Variants in KAZN observed in about 807,000 individuals in gnomAD.
KAZN encodes kazrin.
In KAZN, 40 loss-of-function variants were observed where a neutral mutation model predicts 87.4. That is an observed-to-expected ratio of 0.46 (90% CI 0.36 to 0.60). The LOEUF is 0.60. KAZN is among the 20% of genes least tolerant of loss of function. The pLI is 0.00. For missense variants in KAZN, 898 were observed against 1,073.9 expected (o/e 0.84, Z 2.29); for synonymous variants, 466 against 458.3 (o/e 1.02, Z -0.22).
chr1:14,610,189 G>A (rs995490279), intron 1 of KAZN, among the ~76,000 whole-genome samples: 3 of 145,506 alleles, frequency 2.1e-5, no homozygotes, highest in Admixed American at 1.3e-4. Context: ...CTCTTCCAAT[G>A]ACCTGTTTGT....
intron 2 of KAZN, among the ~76,000 whole-genome samples, chr1:14,181,941 G>A (rs1646207473): frequency 6.6e-6 from 1 of 152,008 alleles, no homozygotes; most frequent in Non-Finnish European, 1.5e-5. Context: ...CTAAGGTACT[G>A]AAAAAAGTGC....
chr1:14,313,458 A>G (rs1655444064), intron 2 of KAZN, among the ~76,000 whole-genome samples: 1 of 152,120 alleles, frequency 6.6e-6, no homozygotes, highest in African/African-American at 2.4e-5. Context: ...CTGTGTACTT[A>G]TATGTTTAAC....
chr1:14,281,014 C>A (rs1287024531), intron 2 of KAZN, among the ~76,000 whole-genome samples: 1 of 152,230 alleles, frequency 6.6e-6, no homozygotes, highest in Non-Finnish European at 1.5e-5. Context: ...AAGCTCTGAA[C>A]TTGCAGGATC....
chr1:14,333,502 C>T (rs1004071687), intron 2 of KAZN, among the ~76,000 whole-genome samples: 2 of 152,216 alleles, frequency 1.3e-5, no homozygotes, highest in Non-Finnish European at 2.9e-5. Flanking sequence ...CATCATCAAG[C>T]AACTATTGAG....
rs746711420 is a variant in KAZN at position 14,420,896 on chromosome 1, C to CT, written c.250-178087_250-178086insT. On this transcript the variant is annotated intron_variant, in intron 2 of 16. Coordinates refer to the KAZN transcript ENST00000636203. ...CGCCCGCACCTCTCCCTCCACACCTCCCCTCCACACCTCCCCTCCACACCT... is the reference window on the plus strand; with the variant it reads ...CGCCCGCACCTCTCCCTCCACACCTCTCCCTCCACACCTCCCCTCCACACCT... Among the ~76,000 whole-genome samples the CT allele has an allele frequency of 6.4e-4, 22 of 34,148 alleles. 1 individual carries two copies. In the Admixed American group the frequency reaches 9.0e-3, roughly 14 times the overall value. 22.4% of individuals were successfully genotyped at this position (34,148 alleles called of 152,430 possible). A position where few individuals can be genotyped will look rare whatever the true frequency, so the allele number is the denominator to read the frequency against.
At chr1:14,810,007 C>T (rs191740766) in intron 1 of KAZN, among the ~76,000 whole-genome samples, 1 of 152,242 alleles carries the variant, frequency 6.6e-6, no homozygotes, top group East Asian at 1.9e-4. Context: ...CTGTCTTGTG[C>T]ATTGCAGGTG....
At chr1:14,561,847 T>G (rs1185093024) in intron 2 of KAZN, among the ~76,000 whole-genome samples, 1 of 151,286 alleles carries the variant, frequency 6.6e-6, no homozygotes, top group Non-Finnish European at 1.5e-5. Context: ...GAGGTTGCAG[T>G]GAGCCGAGAT....
chr1:14,481,382 A>T (rs1669073790), intron 2 of KAZN, among the ~76,000 whole-genome samples: 1 of 151,982 alleles, frequency 6.6e-6, no homozygotes, highest in Non-Finnish European at 1.5e-5. Flanking sequence ...CTTGTTGTTT[A>T]AGATTATTAT....
At chr1:14,888,018 C>A (rs1255705556) in intron 1 of KAZN, among the ~76,000 whole-genome samples, 1 of 151,998 alleles carries the variant, frequency 6.6e-6, no homozygotes, top group African/African-American at 2.4e-5. Context: ...TTGCTGACAG[C>A]CTCTCTCGGT....
In KAZN at chr1:14,949,065, G is replaced by A. The variant is rs2101691390; in HGVS notation, c.227-11619G>A. ...CCAGCTACTCGGGAAGCTGAGTCAG[G>A]GCACTTGAACCCAGGAGGCGGAGGT... On this transcript the variant is annotated intron_variant, in intron 1 of 14. Coordinates refer to ENST00000376030, the MANE Select transcript of KAZN (RefSeq NM_201628.3). The surrounding 1 kb of genome is among the most constrained non-coding windows in gnomAD (Gnocchi z 4.3). Among the ~76,000 whole-genome samples the A allele has an allele frequency of 6.6e-6, 1 of 151,812 alleles. No homozygotes were observed. The highest frequency in any genetic ancestry group is 1.9e-4 in the East Asian group (1 of 5,156).
chr1:14,459,951 A>T (rs571620735), intron 2 of KAZN, among the ~76,000 whole-genome samples: 1 of 152,246 alleles, frequency 6.6e-6, no homozygotes, highest in South Asian at 2.1e-4. Context: ...CCCCCTGAGT[A>T]ATAAATACTT....
intron 2 of KAZN, among the ~76,000 whole-genome samples, chr1:14,239,191 T>A (rs1034503917): frequency 5.3e-4 from 80 of 152,238 alleles, no homozygotes; most frequent in Admixed American, 5.2e-3. Context: ...ATTGATCATA[T>A]GCTTTAGTGG....
At chr1:15,046,772 CA>C (rs1673596877) in intron 4 of KAZN, among the ~76,000 whole-genome samples, 1 of 152,154 alleles carries the variant, frequency 6.6e-6, no homozygotes, top group African/African-American at 2.4e-5. Context: ...TTCTGGGGTC[CA>C]GGGGGTTCCC....
intron 2 of KAZN, among the ~76,000 whole-genome samples, chr1:14,511,392 C>T (rs1207268301): frequency 6.6e-6 from 1 of 152,160 alleles, no homozygotes; most frequent in Non-Finnish European, 1.5e-5. Context: ...GCCCCAATCA[C>T]TTCAGGGAGT....
chr1:14,807,198 G>C (rs543117752), intron 1 of KAZN, among the ~76,000 whole-genome samples: 1 of 152,290 alleles, frequency 6.6e-6, no homozygotes, highest in East Asian at 1.9e-4. Context: ...CAGCAGGAGG[G>C]CACAGCTTCC....
At chr1:14,985,501 G>A (rs1666716142) in intron 2 of KAZN, among the ~76,000 whole-genome samples, 1 of 152,122 alleles carries the variant, frequency 6.6e-6, no homozygotes, top group Admixed American at 6.5e-5. Flanking sequence ...CTGCACTCCA[G>A]CCTGGGTGAC....
At chr1:14,162,748 G>C (rs976977121) in intron 1 of KAZN, among the ~76,000 whole-genome samples, 2 of 151,992 alleles carry the variant, frequency 1.3e-5, no homozygotes, top group Admixed American at 6.6e-5. Context: ...GTTTCACCGT[G>C]TTAGCCAGGA....
intron 1 of KAZN, among the ~76,000 whole-genome samples, chr1:14,129,067 C>G (rs889031427): frequency 6.6e-6 from 1 of 152,156 alleles, no homozygotes; most frequent in Non-Finnish European, 1.5e-5. Flanking sequence ...CCAAGGCCTC[C>G]TAAAAGGCAC....
At chr1:14,240,351 A>C (rs1343736432) in intron 2 of KAZN, among the ~76,000 whole-genome samples, 1 of 152,218 alleles carries the variant, frequency 6.6e-6, no homozygotes, top group African/African-American at 2.4e-5. Flanking sequence ...AGGGGAGCCC[A>C]CACTGTCCAT....
Sources: allele counts gnomAD v4.1 joint callset (sites outside exome capture counted in the v4.1 genomes callset), GRCh38; gene constraint gnomAD v4.1.1; non-coding constraint Gnocchi (gnomAD v3.1); transcripts MANE v1.5; gene names NCBI Gene and HGNC (gene_info 2026-07-23, HGNC 2026-07-21).